STK32B: variants seen among roughly 807,000 people sequenced by gnomAD.
STK32B encodes the protein serine/threonine-protein kinase 32B.
Under a neutral mutation model 52.6 loss-of-function variants are expected in STK32B, and 43 were observed. That is an observed-to-expected ratio of 0.82 (90% CI 0.64 to 1.05). STK32B has a LOEUF of 1.05. STK32B is among the 50% of genes least tolerant of loss of function. The pLI, the probability that STK32B is intolerant of heterozygous loss-of-function variation, is 0.00. For missense variants in STK32B, 621 were observed against 534.6 expected, an observed-to-expected ratio of 1.16 and a Z score of -1.59; for synonymous variants, 238 against 204.3, an observed-to-expected ratio of 1.17 and a Z score of -1.41.
chr4:5,405,613 C>T (rs952621964), intron 5 of STK32B, among the ~76,000 whole-genome samples: 1 of 152,062 alleles, frequency 6.6e-6, no homozygotes, highest in African/African-American at 2.4e-5. Flanking sequence ...CTGGGGAGGC[C>T]TCAGGAAAGT....
At chr4:5,122,312 A>G (rs1222640876) in intron 1 of STK32B, among the ~76,000 whole-genome samples, 1 of 149,368 alleles carries the variant, frequency 6.7e-6, no homozygotes, top group African/African-American at 2.6e-5. Context: ...GCATTACCTC[A>G]TTAATTCAGT....
chr4:5,344,147 T>C (rs963591506), intron 4 of STK32B, among the ~76,000 whole-genome samples: 2 of 152,160 alleles, frequency 1.3e-5, no homozygotes, highest in African/African-American at 4.8e-5. Flanking sequence ...TTCCTTTCTC[T>C]GGCCTCTTAA....
chr4:5,312,338 G>A (rs968478535), intron 3 of STK32B, among the ~76,000 whole-genome samples: 2 of 151,194 alleles, frequency 1.3e-5, no homozygotes, highest in African/African-American at 4.9e-5. Flanking sequence ...TGCACAATGT[G>A]CAGGTAGTTA....
chr4:5,041,256 AAC>A, the STK32B span, among the ~76,000 whole-genome samples: 2 of 152,190 alleles, frequency 1.3e-5, no homozygotes, highest in African/African-American at 4.8e-5. Flanking sequence ...GCAAGCAGAC[AAC>A]ACACGCACAC....
intron 4 of STK32B, among the ~76,000 whole-genome samples, chr4:5,369,872 G>T (rs557254517): frequency 2.3e-3 from 351 of 150,920 alleles, no homozygotes; most frequent in African/African-American, 7.8e-3. Context: ...TATTTTTTTT[G>T]TTTGTTTGTT....
At chr4:5,478,843 C>G (rs1183232231) in intron 11 of STK32B, among the ~76,000 whole-genome samples, 1 of 152,124 alleles carries the variant, frequency 6.6e-6, no homozygotes, top group African/African-American at 2.4e-5. Flanking sequence ...CAACCCCAGG[C>G]GGCAGTGCAG....
chr4:5,087,425 T>C lies in STK32B; in HGVS notation c.52+35510T>C, dbSNP rs575785293. ...TATGACTTATAGAAAGCAAATAAAA[T>C]AGCAAAAATAAATTCTTCCTTAACA... On this transcript the variant is annotated intron_variant, in intron 1 of 11. Coordinates refer to ENST00000282908, the MANE Select transcript of STK32B (RefSeq NM_018401.3). Among the ~76,000 whole-genome samples the C allele has an allele frequency of 1.2e-3, 179 of 151,898 alleles. 3 individuals are homozygous for C. The highest frequency in any genetic ancestry group is 4.0e-3 in the African/African-American group (166 of 41,512).
intron 1 of STK32B, among the ~76,000 whole-genome samples, chr4:5,099,448 G>GCGCGCGCA (rs1342236449): frequency 9.2e-6 from 1 of 108,206 alleles, no homozygotes; most frequent in African/African-American, 4.0e-5. Flanking sequence ...GTGTGTGTGT[G>GCGCGCGCA]TGCGCGCGCG....
At chr4:5,307,691 GA>G (rs985711199) in intron 3 of STK32B, among the ~76,000 whole-genome samples, 16 of 151,900 alleles carry the variant, frequency 1.1e-4, no homozygotes, top group African/African-American at 3.9e-4. Context: ...GAGTGTTAGA[GA>G]ACCTTGTTTT....
intron 4 of STK32B, among the ~76,000 whole-genome samples, chr4:5,372,120 G>C (rs1354865645): frequency 6.6e-6 from 1 of 152,244 alleles, no homozygotes; most frequent in Non-Finnish European, 1.5e-5. Flanking sequence ...CAACAGCTGA[G>C]CAACCCCTTG....
chr4:5,188,102 G>C (rs1720886756), intron 3 of STK32B, among the ~76,000 whole-genome samples: 2 of 152,118 alleles, frequency 1.3e-5, no homozygotes, highest in South Asian at 4.2e-4. Flanking sequence ...AAGATAATTT[G>C]CTGGAGCAGC....
rs536375849 is a variant in STK32B at position 5,313,106 on chromosome 4, G to GTTTAAAAAAAA, written c.261-18114_261-18113insTTTAAAAAAAA. On this transcript the variant is annotated intron_variant, in intron 3 of 11. Transcript: ENST00000282908. Reference sequence around the variant, plus strand: ...ATTAGGTTGGAGCAAAAGTAATTGTGGTTTTTAAAAACCACAATTACTTTT... The same window carrying GTTTAAAAAAAA: ...ATTAGGTTGGAGCAAAAGTAATTGTGTTTAAAAAAAAGTTTTTAAAAACCACAATTACTTTT... Among the ~76,000 whole-genome samples the GTTTAAAAAAAA allele has an allele frequency of 8.2e-3, 1,184 of 143,930 alleles. 10 individuals are homozygous for GTTTAAAAAAAA. Among genetic ancestry groups the GTTTAAAAAAAA allele is most frequent in the Middle Eastern group, 0.014 (4 of 286 alleles). The allele number at this position is 143,930 out of a possible 152,430, so 94.4% of individuals were successfully genotyped here.
intron 4 of STK32B, among the ~76,000 whole-genome samples, chr4:5,367,172 A>T (rs1210834097): frequency 6.6e-6 from 1 of 152,170 alleles, no homozygotes; most frequent in Non-Finnish European, 1.5e-5. Flanking sequence ...AATGTAACAC[A>T]CGGGCCTTTC....
In STK32B at chr4:5,460,279, C is replaced by G. The variant is rs1432865373; in HGVS notation, c.909+51C>G. On this transcript the variant is annotated intron_variant, in intron 9 of 11. Transcript: ENST00000282908. This position sits in a 1 kb window ranked among gnomAD's most constrained non-coding sequence, Gnocchi z 4.8. ...ATGCCACCCCTCTGCAGGGTCCCCGCCTTGGTGCAAAGCAAGACTTTGGCA... is the reference window on the plus strand; with the variant it reads ...ATGCCACCCCTCTGCAGGGTCCCCGGCTTGGTGCAAAGCAAGACTTTGGCA... 6.4e-7 allele frequency: 1 copy of G among 1,566,324 alleles called. No homozygotes were observed. The highest frequency in any genetic ancestry group is 1.8e-5 in the Admixed American group (1 of 55,556).
chr4:5,234,642 C>G (rs569958513), intron 3 of STK32B, among the ~76,000 whole-genome samples: 14 of 152,360 alleles, frequency 9.2e-5, no homozygotes, highest in Middle Eastern at 3.4e-3. Flanking sequence ...ATTCTTTTCA[C>G]TCTTACAGAC....
At chr4:5,120,440 T>A (rs1198097787) in intron 1 of STK32B, among the ~76,000 whole-genome samples, 1 of 152,254 alleles carries the variant, frequency 6.6e-6, no homozygotes, top group African/African-American at 2.4e-5. Flanking sequence ...TTTATTACTG[T>A]ATACTGTTAT....
the STK32B span, among the ~76,000 whole-genome samples, chr4:5,024,355 G>C: frequency 2.6e-5 from 4 of 152,194 alleles, no homozygotes; most frequent in Admixed American, 2.0e-4. Flanking sequence ...GAGTAGCTTT[G>C]TCTGTTCTGG....
At chr4:5,078,301 T>C (rs577227183) in intron 1 of STK32B, among the ~76,000 whole-genome samples, 1 of 152,126 alleles carries the variant, frequency 6.6e-6, no homozygotes, top group Non-Finnish European at 1.5e-5. Context: ...GGATTCACTC[T>C]CTAGAACTTT....
chr4:5,169,233 A>C (rs1489933148), intron 3 of STK32B, among the ~76,000 whole-genome samples: 2 of 152,160 alleles, frequency 1.3e-5, no homozygotes, highest in Admixed American at 6.5e-5. Context: ...TGGGTTACTT[A>C]TCTGTCCTCA....
Sources: allele counts gnomAD v4.1 joint callset (sites outside exome capture counted in the v4.1 genomes callset), GRCh38; gene constraint gnomAD v4.1.1; non-coding constraint Gnocchi (gnomAD v3.1); transcripts MANE v1.5; gene names NCBI Gene and HGNC (gene_info 2026-07-23, HGNC 2026-07-21).